The following SPOP variants were observed in gnomAD, a reference collection of about 807,000 sequenced individuals.
SPOP encodes speckle type BTB/POZ protein.
SPOP carries 11 observed loss-of-function variants against 45.6 expected under a neutral mutation model. The observed-to-expected ratio is 0.24, with a 90% CI of 0.15 to 0.40. The LOEUF is 0.40. Ranked by LOEUF, SPOP falls within the 10% of genes least tolerant of loss-of-function variation. The probability of loss-of-function intolerance (pLI) is 1.00; values close to 1 mark genes in which losing one functional copy is unlikely to be tolerated. For missense variants in SPOP, 152 were observed against 465.6 expected (o/e 0.33, Z 6.20); for synonymous variants, 166 against 166.3 (o/e 1.00, Z 0.01).
chr17:49,602,983 T>C (rs754685393), intron 8 of SPOP, among the ~76,000 whole-genome samples: 6 of 152,170 alleles, frequency 3.9e-5, no homozygotes, highest in Admixed American at 6.6e-5. Flanking sequence ...TAAAATGTCA[T>C]TGATCAGTTC....
At chr17:49,626,184 A>T (rs2072327639) in intron 1 of SPOP, among the ~76,000 whole-genome samples, 1 of 150,546 alleles carries the variant, frequency 6.6e-6, no homozygotes, top group Non-Finnish European at 1.5e-5. Context: ...ATCCTGAGAC[A>T]AGTTTGTGAC....
intron 1 of SPOP, among the ~76,000 whole-genome samples, chr17:49,675,713 G>C (rs2073190228): frequency 6.6e-6 from 1 of 152,150 alleles, no homozygotes; most frequent in South Asian, 2.1e-4. Context: ...AATTCAACTA[G>C]ACAAAATGTT....
intron 3 of SPOP, among the ~76,000 whole-genome samples, chr17:49,620,421 T>C (rs969492446): frequency 2.7e-5 from 4 of 147,278 alleles, no homozygotes; most frequent in African/African-American, 1.0e-4. Context: ...TGAGCCGAGA[T>C]CGTGCCACTG....
chr17:49,655,468 G>A (rs1052051593), intron 1 of SPOP, among the ~76,000 whole-genome samples: 16 of 151,606 alleles, frequency 1.1e-4, no homozygotes, highest in African/African-American at 3.6e-4. Context: ...CCGAGATCGC[G>A]TCACTGCACT....
intron 1 of SPOP, among the ~76,000 whole-genome samples, chr17:49,662,602 G>T (rs141104213): frequency 6.6e-6 from 1 of 151,700 alleles, no homozygotes; most frequent in Non-Finnish European, 1.5e-5. Flanking sequence ...CAGGACAGTC[G>T]CTTGAACCTG....
At chr17:49,652,012 C>A (rs1426254939) in intron 1 of SPOP, among the ~76,000 whole-genome samples, 4 of 149,954 alleles carry the variant, frequency 2.7e-5, no homozygotes, top group Admixed American at 2.7e-4. Flanking sequence ...GAGTGACATT[C>A]TCAAAAAAAA....
intron 1 of SPOP, among the ~76,000 whole-genome samples, chr17:49,669,948 A>G (rs1195482081): frequency 5.3e-5 from 8 of 152,190 alleles, no homozygotes; most frequent in Non-Finnish European, 1.0e-4. Context: ...ATAAATAGAT[A>G]TATAGATGGG....
At chr17:49,643,822 T>A (rs373633536) in intron 1 of SPOP, among the ~76,000 whole-genome samples, 11 of 151,268 alleles carry the variant, frequency 7.3e-5, no homozygotes, top group African/African-American at 2.4e-4. Flanking sequence ...CCCAGCTACT[T>A]GGGAGGCTGA....
intron 1 of SPOP, among the ~76,000 whole-genome samples, chr17:49,651,948 G>A (rs989139796): frequency 2.4e-4 from 36 of 152,240 alleles, no homozygotes; most frequent in Middle Eastern, 3.4e-3. Flanking sequence ...GAACCCAGGA[G>A]GCGAAGGTTG....
chr17:49,614,005 CCTT>C (rs2072030057), intron 5 of SPOP, among the ~76,000 whole-genome samples: 1 of 152,092 alleles, frequency 6.6e-6, no homozygotes, highest in Non-Finnish European at 1.5e-5. Context: ...TGTATAATCT[CCTT>C]AACTTCAAGT....
At chr17:49,639,888 T>G (rs968409346) in intron 1 of SPOP, among the ~76,000 whole-genome samples, 2 of 152,180 alleles carry the variant, frequency 1.3e-5, no homozygotes, top group African/African-American at 4.8e-5. Context: ...ACCTAGGTAT[T>G]TGCCTTCTGT....
At chr17:49,607,089 T>A (rs745760657) in intron 8 of SPOP, 161 bp downstream of exon 8, 19 of 740,388 alleles carry the variant, frequency 2.6e-5, no homozygotes, top group Non-Finnish European at 4.1e-5. Flanking sequence ...AAAAGTGTGC[T>A]ATTAATAATT....
chr17:49,668,922 G>A lies in SPOP; in HGVS notation c.-67+9011C>T, dbSNP rs1184887354. ...CTCCCGAGTAGCTGGGACTACAGGC[G>A]CCCGCCACCATGCCCAGCTAATTTT... On this transcript the variant is annotated intron_variant, in intron 1 of 9. Transcript: ENST00000504102. Among the ~76,000 whole-genome samples the A allele has an allele frequency of 2.0e-5, 3 of 151,616 alleles. No homozygotes were observed. In the East Asian group the frequency reaches 5.8e-4, roughly 29 times the overall value.
chr17:49,635,671 G>C (rs955810277), intron 1 of SPOP, among the ~76,000 whole-genome samples: 4 of 110,322 alleles, frequency 3.6e-5, no homozygotes, highest in Non-Finnish European at 7.0e-5. Flanking sequence ...GTCTTGTTCT[G>C]TTGCCCAGGC....
intron 1 of SPOP, among the ~76,000 whole-genome samples, chr17:49,629,000 T>C (rs2072395946): frequency 6.6e-6 from 1 of 152,098 alleles, no homozygotes; most frequent in African/African-American, 2.4e-5. Flanking sequence ...TCCCAGTACT[T>C]TGGGAGCCCG....
chr17:49,659,240 TC>T (rs2072954930), intron 1 of SPOP, among the ~76,000 whole-genome samples: 1 of 152,168 alleles, frequency 6.6e-6, no homozygotes, highest in African/African-American at 2.4e-5. Context: ...TGTACGAAAA[TC>T]TATTTCTTGA....
chr17:49,624,633 T>C (rs2072293200), intron 1 of SPOP, among the ~76,000 whole-genome samples: 1 of 151,922 alleles, frequency 6.6e-6, no homozygotes, highest in South Asian at 2.1e-4. Context: ...CATACCACCT[T>C]GCTAATTTTT....
chr17:49,612,237 C>T (rs1039711420), intron 5 of SPOP, among the ~76,000 whole-genome samples: 15 of 152,176 alleles, frequency 9.9e-5, no homozygotes, highest in Non-Finnish European at 1.9e-4. Context: ...CGAGAACATG[C>T]ACATAAAACG....
intron 5 of SPOP, among the ~76,000 whole-genome samples, chr17:49,617,470 T>C (rs2072111749): frequency 6.6e-6 from 1 of 152,230 alleles, no homozygotes; most frequent in African/African-American, 2.4e-5. Context: ...ATTTTATGTA[T>C]TTATTATAGA....
Sources: allele counts gnomAD v4.1 joint callset (sites outside exome capture counted in the v4.1 genomes callset), GRCh38; gene constraint gnomAD v4.1.1; transcripts MANE v1.5; gene names NCBI Gene and HGNC (gene_info 2026-07-23, HGNC 2026-07-21).